Variants in DEF6 observed in about 807,000 individuals in gnomAD.
The protein encoded by DEF6 is differentially expressed in FDCP 6 homolog.
DEF6 carries 32 observed loss-of-function variants against 80.5 expected under a neutral mutation model. The ratio of observed to expected loss-of-function variants is 0.40; its 90% CI spans 0.30 to 0.53. The LOEUF (loss-of-function observed/expected upper bound fraction) is 0.53. Among genes scored for constraint, DEF6 ranks in the 20% least tolerant of loss-of-function variants. The pLI, the probability that DEF6 is intolerant of heterozygous loss-of-function variation, is 0.57. For synonymous variants in DEF6, 300 were observed against 337.9 expected, an observed-to-expected ratio of 0.89 and a Z score of 1.23; for missense variants, 575 against 818.7, an observed-to-expected ratio of 0.70 and a Z score of 3.63.
intron 5 of DEF6, among the ~76,000 whole-genome samples, chr6:35,315,445 T>C (rs1791513965): frequency 9.8e-6 from 1 of 101,806 alleles, no homozygotes; most frequent in African/African-American, 3.7e-5. Context: ...TCTTTTGTAG[T>C]TCCGTATAAA....
At position 35,315,906 on chromosome 6, in the gene DEF6, T is replaced by C. The variant is rs565763680; in HGVS notation, c.808-1985T>C. 7.0e-5 allele frequency among the ~76,000 whole-genome samples: 10 copies of C among 143,108 alleles called. No individual in the cohort carries two copies. The South Asian group carries it at 2.4e-3, about 35-fold the overall frequency. The allele number at this position is 143,108 out of a possible 152,430, so 93.9% of individuals were successfully genotyped here. A position where few individuals can be genotyped will look rare whatever the true frequency, so the allele number is the denominator to read the frequency against. On this transcript the variant is annotated intron_variant, in intron 5 of 10. Coordinates refer to ENST00000316637, the MANE Select transcript of DEF6 (RefSeq NM_022047.4). ...GGAGTCTTGCTTTTATCGCCCAGGCTGGAGTGCAATGGCACGATCTCAGCT... is the reference window on the plus strand; with the variant it reads ...GGAGTCTTGCTTTTATCGCCCAGGCCGGAGTGCAATGGCACGATCTCAGCT...
At chr6:35,315,635 A>G (rs1791516459) in intron 5 of DEF6, among the ~76,000 whole-genome samples, 1 of 151,852 alleles carries the variant, frequency 6.6e-6, no homozygotes, top group African/African-American at 2.4e-5. Context: ...CATCAGTTTT[A>G]TAGTTTTTCT....
intron 1 of DEF6, among the ~76,000 whole-genome samples, chr6:35,301,437 A>G (rs1292640577): frequency 6.6e-6 from 1 of 152,184 alleles, no homozygotes; most frequent in Non-Finnish European, 1.5e-5. Flanking sequence ...TTTCTCATCT[A>G]TAAACCAGGG....
intron 1 of DEF6, among the ~76,000 whole-genome samples, chr6:35,308,968 C>T (rs1024018034): frequency 2.0e-5 from 3 of 152,092 alleles, no homozygotes. Flanking sequence ...CCCACATTTC[C>T]CCTGCACACC....
intron 5 of DEF6, chr6:35,313,490 T>C: frequency 3.1e-6 from 1 of 321,256 alleles, no homozygotes; most frequent in Non-Finnish European, 6.0e-6. Context: ...TCTTCTATTT[T>C]GAAATATACA....
In DEF6 at chr6:35,321,209, C is replaced by T; in HGVS notation, c.1695C>T (p.Ser565=). 1 of 1,612,830 alleles carries T rather than the reference C, an allele frequency of 6.2e-7. No individual in the cohort carries two copies. The highest frequency in any genetic ancestry group is 8.5e-7 in the Non-Finnish European group (1 of 1,179,966). Residue 565 remains serine (S), a synonymous_variant, in exon 11 of 11, where the codon AGC becomes AGT. Transcript: ENST00000316637. ...CAGATAAGCGTCCGGTCACCAGCAG[C>T]TCCTTCTCAGGCTTCCAGCCCCCTC... ...EPGDKRPVTS[S]SFSGFQPPLL... is the part of the protein sequence containing the mutation.
chr6:35,312,373 TCTGGCCCAGGAGGCCCAG>T lies in DEF6; in HGVS notation c.496_513del (p.Leu166_Gln171del), dbSNP rs1791478670. ...TGAGCTTGGGTGAGCTGGAGGAGCT[TCTGGCCCAGGAGGCCCAG>T]GTGGCCCAGACCACCGGGGGGCTCA... is the stretch of plus-strand genomic sequence containing the variant. On this transcript the variant is annotated inframe_deletion, in exon 4 of 11. Transcript: ENST00000316637. The surrounding 1 kb of genome is among the most constrained non-coding windows in gnomAD (Gnocchi z 6.6). The T allele has an allele frequency of 6.2e-7, 1 of 1,614,122 alleles. No individual in the cohort carries two copies. The highest frequency in any genetic ancestry group is 1.3e-5 in the African/African-American group (1 of 75,036).
rs948844733 is a variant in DEF6 at position 35,319,745 on chromosome 6, C to G, written c.1382+55C>G. ...TCACCACCCCTCCTGGAACACACCC[C>G]AGTTTTCCTGCTTGCTGTGCACCTG... is the stretch of plus-strand genomic sequence containing the variant. On this transcript the variant is annotated intron_variant, in intron 8 of 10. Coordinates refer to ENST00000316637, the MANE Select transcript of DEF6 (RefSeq NM_022047.4). This position sits in a 1 kb window ranked among gnomAD's most constrained non-coding sequence, Gnocchi z 4.5. 3.7e-6 allele frequency: 6 copies of G among 1,610,408 alleles called. No homozygotes were observed. The highest frequency in any genetic ancestry group is 5.1e-6 in the Non-Finnish European group (6 of 1,177,330).
chr6:35,298,207 A>G lies in DEF6; in HGVS notation c.96+255A>G, dbSNP rs1438903688. Among the ~76,000 whole-genome samples, 2 of 152,132 alleles carry G rather than the reference A, an allele frequency of 1.3e-5. 1 individual carries two copies. ...CTGGGCCCCACAACTGGAGGCCAGGAGGTTCTGAGGGCCATTATGGGGTTC... is the reference window on the plus strand; with the variant it reads ...CTGGGCCCCACAACTGGAGGCCAGGGGGTTCTGAGGGCCATTATGGGGTTC... On this transcript the variant is annotated intron_variant, in intron 1 of 10. Transcript: ENST00000316637.
intron 1 of DEF6, among the ~76,000 whole-genome samples, chr6:35,301,325 T>G (rs569677871): frequency 6.6e-6 from 1 of 152,252 alleles, no homozygotes; most frequent in East Asian, 1.9e-4. Context: ...GAGGGGAGGA[T>G]GATTTAATGA....
chr6:35,302,646 CAGAGGCCAG>C (rs1254332419), intron 1 of DEF6, among the ~76,000 whole-genome samples: 1 of 152,198 alleles, frequency 6.6e-6, no homozygotes, highest in East Asian at 1.9e-4. Flanking sequence ...ACTGCCAACT[CAGAGGCCAG>C]AGGCTCCCTG....
rs558799032 is a variant in DEF6, at chr6:35,319,299, G to A, written c.1216-225G>A. Among the ~76,000 whole-genome samples the A allele has an allele frequency of 1.6e-3, 248 of 152,070 alleles. No individual in the cohort carries two copies. Among genetic ancestry groups the A allele is most frequent in the Non-Finnish European group, 1.9e-3 (128 of 67,982 alleles). ...TAATTATGATTAAGGTTGGTACTAG[G>A]AAGGAAATAACTTGAGCCCGTTTCC... is the stretch of plus-strand genomic sequence containing the variant. On this transcript the variant is annotated intron_variant, in intron 7 of 10. Coordinates refer to ENST00000316637, the MANE Select transcript of DEF6 (RefSeq NM_022047.4). The surrounding 1 kb of genome is among the most constrained non-coding windows in gnomAD (Gnocchi z 4.5).
intron 1 of DEF6, among the ~76,000 whole-genome samples, chr6:35,308,471 G>C (rs1039566394): frequency 2.0e-5 from 3 of 151,778 alleles, no homozygotes; most frequent in Non-Finnish European, 4.4e-5. Context: ...ACAGGAGTTC[G>C]AGGCCAGCCT....
At chr6:35,299,033 G>A (rs1480273550) in intron 1 of DEF6, among the ~76,000 whole-genome samples, 7 of 152,136 alleles carry the variant, frequency 4.6e-5, no homozygotes, top group Middle Eastern at 3.2e-3. Flanking sequence ...CCCCACCACC[G>A]TTCCAACCCC....
At chr6:35,320,810 C>A in intron 9 of DEF6, 74 bp from the exon 10 acceptor site, 1 of 1,372,506 alleles carries the variant, frequency 7.3e-7, no homozygotes, top group South Asian at 1.2e-5. Context: ...AAGCAGCCTG[C>A]GAACCTGAAA....
At chr6:35,317,121 A>AAGTT (rs1791531960) in intron 5 of DEF6, among the ~76,000 whole-genome samples, 2 of 151,846 alleles carry the variant, frequency 1.3e-5, no homozygotes, top group Admixed American at 1.3e-4. Context: ...CCTTACCAAC[A>AAGTT]GTTGTTTTTC....
chr6:35,318,666 G>T lies in DEF6; in HGVS notation c.1215+195G>T, dbSNP rs1791552737. Among the ~76,000 whole-genome samples the T allele has an allele frequency of 6.6e-6, 1 of 152,118 alleles. No individual in the cohort carries two copies. Among genetic ancestry groups the T allele is most frequent in the East Asian group, 1.9e-4 (1 of 5,188 alleles). On this transcript the variant is annotated intron_variant, in intron 7 of 10. Transcript: ENST00000316637. The surrounding 1 kb of genome is among the most constrained non-coding windows in gnomAD (Gnocchi z 5.1). ...AAAAGAGATTTGGGATGGGGCTTCC[G>T]CCAGGGACAGAACCTGGGGCTAGGA... is the stretch of plus-strand genomic sequence containing the variant.
In DEF6 at chr6:35,312,583, G is replaced by A. The variant is rs771511140; in HGVS notation, c.661-43G>A. On this transcript the variant is annotated intron_variant, in intron 4 of 10. Transcript: ENST00000316637. The surrounding 1 kb of genome is among the most constrained non-coding windows in gnomAD (Gnocchi z 6.6). ...AGGGGAAGCACACAAGGTGCAGGGC[G>A]AAGGGGGGCCTGGGAAGCCTCTGAC... The A allele has an allele frequency of 9.3e-6, 15 of 1,614,022 alleles. No individual in the cohort carries two copies. The highest frequency in any genetic ancestry group is 5.3e-5 in the African/African-American group (4 of 74,936).
In DEF6 at chr6:35,320,931, G is replaced by A. The variant is rs1791583065; in HGVS notation, c.1629G>A (p.Trp543Ter). ...LRQASTNVKH[W>*]NVQMNRLMHP... ...AGGCCAGCACCAACGTGAAACACTG[G>A]AATGTCCAGATGAACCGGCTGATGC... The change falls in exon 10 of 11, where the codon TGG (tryptophan) becomes TGA (stop). Residue 543 changes from tryptophan (W) to a stop codon, truncating the protein, a stop_gained. Transcript: ENST00000316637. LOFTEE classifies it high-confidence loss of function. The A allele has an allele frequency of 6.2e-7, 1 of 1,612,454 alleles. No individual in the cohort carries two copies. The highest frequency in any genetic ancestry group is 1.3e-5 in the African/African-American group (1 of 74,856).
Sources: allele counts gnomAD v4.1 joint callset (sites outside exome capture counted in the v4.1 genomes callset), GRCh38; gene constraint gnomAD v4.1.1; non-coding constraint Gnocchi (gnomAD v3.1); transcripts MANE v1.5; gene names NCBI Gene and HGNC (gene_info 2026-07-23, HGNC 2026-07-21).